TMEM35B: variants seen among roughly 807,000 people sequenced by gnomAD.
The protein encoded by TMEM35B is transmembrane protein 35B, also known as ZMYM6 neighbor protein.
In TMEM35B, 6 loss-of-function variants were observed where a neutral mutation model predicts 8.7. That is an observed-to-expected ratio of 0.69 (90% confidence interval 0.38 to 1.36). TMEM35B has a LOEUF of 1.36. Among genes scored for constraint, TMEM35B ranks in the 40% most tolerant of loss-of-function variants. The pLI is 0.02. For synonymous variants in TMEM35B, 89 were observed against 87.0 expected, an observed-to-expected ratio of 1.02 and a Z score of -0.13; for missense variants, 176 against 181.6, an observed-to-expected ratio of 0.97 and a Z score of 0.18.
rs536255650 is a variant in TMEM35B, at chr1:34,982,579, C to T, written c.290-460G>A. ...CTGGGTTCTGGGTACTGGCTTCAAG[C>T]GATTCTCCTGCCTCAGCCTCCTGAG... On this transcript the variant is annotated intron_variant, in intron 2 of 2. Transcript: ENST00000373337. Among the ~76,000 whole-genome samples, 270 of 151,418 alleles carry T rather than the reference C, an allele frequency of 1.8e-3. 1 individual carries two copies. The highest frequency in any genetic ancestry group is 3.1e-3 in the Non-Finnish European group (210 of 67,934).
exon 1 of TMEM35B, chr1:34,985,226 T>G: frequency 6.5e-7 from 1 of 1,541,126 alleles, no homozygotes; most frequent in Non-Finnish European, 8.7e-7. Context: ...AGCCGAGATC[T>G]CCTCCGAGAG....
At chr1:34,983,823 A>G (rs1413398891) in exon 2 of TMEM35B, 1 of 1,546,348 alleles carries the variant, frequency 6.5e-7, no homozygotes, top group Non-Finnish European at 8.7e-7. Context: ...CGGTGGGCCC[A>G]TGACCAGCAG....
At chr1:34,982,448 TCTC>T (rs770754025) in intron 2 of TMEM35B, among the ~76,000 whole-genome samples, 18 of 146,454 alleles carry the variant, frequency 1.2e-4, no homozygotes, top group Non-Finnish European at 1.6e-4. Flanking sequence ...CCCTGATCCT[TCTC>T]CTTTCCTTTT....
At chr1:34,983,534 G>T (rs1302657260) in intron 2 of TMEM35B, among the ~76,000 whole-genome samples, 1 of 134,696 alleles carries the variant, frequency 7.4e-6, no homozygotes, top group African/African-American at 3.0e-5. Context: ...AGCAGAGATA[G>T]TGCCACTGCA....
chr1:34,982,425 G>GA (rs57645049), intron 2 of TMEM35B, among the ~76,000 whole-genome samples: 30,346 of 142,110 alleles, frequency 0.21, 7,605 homozygotes, highest in African/African-American at 0.6. Context: ...ATAGATTTTA[G>GA]AAAAAAAAAT....
exon 3 of TMEM35B, chr1:34,982,098 G>A: frequency 6.5e-7 from 1 of 1,547,246 alleles, no homozygotes; most frequent in Non-Finnish European, 8.7e-7. Flanking sequence ...CTCTTTCAGA[G>A]CTGCCAAGGT....
At chr1:34,981,939 A>C in exon 3 of TMEM35B, 3 of 1,529,898 alleles carry the variant, frequency 2.0e-6, no homozygotes, top group Non-Finnish European at 2.6e-6. Context: ...AGAGACAGAG[A>C]TGCTCTACTT....
exon 1 of TMEM35B, chr1:34,985,302 CCATGGCCG>C (rs1225916287): frequency 6.5e-7 from 1 of 1,532,200 alleles, no homozygotes; most frequent in South Asian, 1.2e-5. Flanking sequence ...AGCAGGAGCG[CCATGGCCG>C]CGCTCCCCCC....
chr1:34,981,600 T>TA (rs1640507117), exon 3 of TMEM35B: 6 of 155,038 alleles, frequency 3.9e-5, no homozygotes, highest in Admixed American at 1.9e-4. Context: ...TTATTTTCAT[T>TA]TAAAAAAAAT....
chr1:34,985,260 A>G, exon 1 of TMEM35B: 7 of 1,545,404 alleles, frequency 4.5e-6, no homozygotes, highest in Non-Finnish European at 6.1e-6. Context: ...ACGAGCGCGA[A>G]GAAGCCGCCC....
chr1:34,982,017 A>G, exon 3 of TMEM35B: 1 of 1,550,538 alleles, frequency 6.4e-7, no homozygotes, highest in South Asian at 1.2e-5. Flanking sequence ...AGTCTGGGCT[A>G]AGAGCTGGCC....
intron 2 of TMEM35B, 138 bp from the exon 3 acceptor site, chr1:34,982,257 C>T (rs778031297): frequency 3.0e-5 from 19 of 636,148 alleles, no homozygotes; most frequent in Non-Finnish European, 4.8e-5. Flanking sequence ...AACGCACATT[C>T]CCAAAACTAG....
intron 1 of TMEM35B, 24 bp downstream of exon 1, chr1:34,985,174 C>G: frequency 6.6e-7 from 1 of 1,523,510 alleles, no homozygotes; most frequent in Non-Finnish European, 8.8e-7. Flanking sequence ...GCCCGATCCC[C>G]TGCCGCCCGC....
At chr1:34,983,738 C>T in intron 2 of TMEM35B, 29 bp downstream of exon 2, 1 of 1,451,552 alleles carries the variant, frequency 6.9e-7, no homozygotes, top group East Asian at 2.7e-5. Flanking sequence ...CAGAAGACCC[C>T]ATTTTCTCAG....
chr1:34,984,043 C>T, intron 1 of TMEM35B, 96 bp from the exon 2 acceptor site: 1 of 1,230,564 alleles, frequency 8.1e-7, no homozygotes, highest in Non-Finnish European at 1.1e-6. Context: ...CCCTCAACTT[C>T]CCAGAGAAAA....
intron 2 of TMEM35B, 119 bp downstream of exon 2, chr1:34,983,648 G>A (rs549045032): frequency 2.4e-5 from 16 of 653,326 alleles, no homozygotes; most frequent in Non-Finnish European, 3.6e-5. Context: ...TGGTAGAGCA[G>A]AAAGTGCTCT....
chr1:34,985,162 G>T, intron 1 of TMEM35B, 36 bp downstream of exon 1: 1 of 1,491,020 alleles, frequency 6.7e-7, no homozygotes, highest in Non-Finnish European at 9.0e-7. Flanking sequence ...ACGCCGCCGC[G>T]GGCCCGATCC....
chr1:34,982,223 C>A, intron 2 of TMEM35B, 104 bp from the exon 3 acceptor site: 1 of 919,954 alleles, frequency 1.1e-6, no homozygotes, highest in Non-Finnish European at 1.6e-6. Flanking sequence ...CCAAGCCCTC[C>A]CATTAAACAC....
intron 2 of TMEM35B, among the ~76,000 whole-genome samples, chr1:34,982,637 C>T (rs945659249): frequency 2.6e-5 from 4 of 151,812 alleles, no homozygotes; most frequent in Non-Finnish European, 4.4e-5. Context: ...CCACCACGCC[C>T]GGCTAATGTT....
Sources: allele counts gnomAD v4.1 joint callset (sites outside exome capture counted in the v4.1 genomes callset), GRCh38; gene constraint gnomAD v4.1.1; transcripts MANE v1.5; gene names NCBI Gene and HGNC (gene_info 2026-07-23, HGNC 2026-07-21).